Variants in TSC22D2 observed in about 807,000 individuals in gnomAD.
TSC22D2 encodes the protein TSC22 domain family member 2.
A neutral mutation model predicts 50.1 loss-of-function variants in TSC22D2; 5 were observed. The ratio of observed to expected loss-of-function variants is 0.10; its 90% CI spans 0.05 to 0.21. TSC22D2 has a LOEUF of 0.21. Among genes scored for constraint, TSC22D2 ranks in the 10% least tolerant of loss-of-function variants. TSC22D2 has a pLI of 1.00. For missense variants in TSC22D2, 1,003 were observed against 1,015.5 expected (o/e 0.99, Z 0.17); for synonymous variants, 501 against 450.1 (o/e 1.11, Z -1.43).
intron 2 of TSC22D2, 40 bp from the exon 3 acceptor site, chr3:150,458,336 C>T (rs775343273): frequency 1.5e-5 from 24 of 1,587,462 alleles, no homozygotes; most frequent in Non-Finnish European, 2.1e-5. Flanking sequence ...CCACCTTTAT[C>T]TTTTCACTCT....
rs1308456436 is a variant in TSC22D2, at chr3:150,408,419, A to G, written c.-932A>G. The G allele has an allele frequency of 6.6e-6, 1 of 152,554 alleles. No individual in the cohort carries two copies. Among genetic ancestry groups the G allele is most frequent in the East Asian group, 1.9e-4 (1 of 5,198 alleles). The allele number at this position is 152,554 out of a possible 1,614,324, so 9.5% of individuals were successfully genotyped here. A position where few individuals can be genotyped will look rare whatever the true frequency, so the allele number is the denominator to read the frequency against. ...CCGCCGCTTCAGCAGTTTGAATTTC[A>G]GTTTCTTCGGGGTTTAGGAATTGGG... On this transcript the variant is annotated 5_prime_UTR_variant, in exon 1 of 3. Coordinates refer to ENST00000688009, the MANE Select transcript of TSC22D2 (RefSeq NM_001303264.2).
intron 1 of TSC22D2, among the ~76,000 whole-genome samples, chr3:150,419,366 A>G (rs1719931319): frequency 6.6e-6 from 1 of 152,112 alleles, no homozygotes; most frequent in African/African-American, 2.4e-5. Context: ...AGGAAGAACT[A>G]CCATAGCCAC....
intron 1 of TSC22D2, 78 bp from the exon 2 acceptor site, chr3:150,456,998 A>G (rs1721210421): frequency 3.1e-6 from 4 of 1,308,746 alleles, no homozygotes; most frequent in East Asian, 4.7e-5. Context: ...GTGAAACACA[A>G]ATGTCTTTTA....
intron 1 of TSC22D2, among the ~76,000 whole-genome samples, chr3:150,412,499 C>A (rs1221640857): frequency 6.6e-6 from 1 of 152,148 alleles, no homozygotes; most frequent in Non-Finnish European, 1.5e-5. Context: ...CCTCCCATTT[C>A]TAATTAGCCT....
chr3:150,437,523 C>A (rs1449941046), intron 1 of TSC22D2, among the ~76,000 whole-genome samples: 2 of 152,026 alleles, frequency 1.3e-5, no homozygotes, highest in Non-Finnish European at 2.9e-5. Flanking sequence ...AGAAACTCAG[C>A]CAGGCATGGT....
In TSC22D2 at chr3:150,411,374, A is replaced by G. The variant is rs1457087926; in HGVS notation, c.1958+66A>G. The G allele has an allele frequency of 3.5e-6, 5 of 1,429,632 alleles. No homozygotes were observed. In the African/African-American group the frequency reaches 5.9e-5, roughly 17 times the overall value. 88.6% of individuals were successfully genotyped at this position (1,429,632 alleles called of 1,614,324 possible). Reference sequence around the variant, plus strand: ...GGCCAACATTGTAGCTTAGGATGCAACTTTGGGAGATTGTTGTCAACGGAG... The same window carrying G: ...GGCCAACATTGTAGCTTAGGATGCAGCTTTGGGAGATTGTTGTCAACGGAG... On this transcript the variant is annotated intron_variant, in intron 1 of 2. Coordinates refer to ENST00000688009, the MANE Select transcript of TSC22D2 (RefSeq NM_001303264.2).
rs1171723126 is a variant in TSC22D2 at position 150,463,189 on chromosome 3, T to C, written c.*4553T>C. The C allele has an allele frequency of 6.6e-6, 1 of 152,194 alleles. No individual in the cohort carries two copies. Among genetic ancestry groups the C allele is most frequent in the Non-Finnish European group, 1.5e-5 (1 of 68,036 alleles). The allele number at this position is 152,194 out of a possible 1,614,324, so 9.4% of individuals were successfully genotyped here. Reference sequence around the variant, plus strand: ...ATGGTGACTAGGATTAGGATGTTGATTCCAAAGCCTTTCCCTAAAATCTAT... The same window carrying C: ...ATGGTGACTAGGATTAGGATGTTGACTCCAAAGCCTTTCCCTAAAATCTAT... On this transcript the variant is annotated 3_prime_UTR_variant, in exon 3 of 3. Transcript: ENST00000688009.
chr3:150,431,481 A>G (rs1720380387), intron 1 of TSC22D2, among the ~76,000 whole-genome samples: 1 of 152,222 alleles, frequency 6.6e-6, no homozygotes, highest in Middle Eastern at 3.4e-3. Flanking sequence ...AGGTTCACCA[A>G]TTATACTTAA....
chr3:150,422,419 C>T (rs1168445143), intron 1 of TSC22D2, among the ~76,000 whole-genome samples: 1 of 152,140 alleles, frequency 6.6e-6, no homozygotes, highest in African/African-American at 2.4e-5. Flanking sequence ...GATAAATAGG[C>T]TTTTACCCCT....
At position 150,411,049 on chromosome 3, in the gene TSC22D2, A is replaced by C; in HGVS notation, c.1699A>C (p.Ser567Arg). Reference protein sequence around the residue: ...VGLPLAPGTHSAPTSLPQSDL... With the variant: ...VGLPLAPGTHRAPTSLPQSDL... ...GCTGCCCTTAGCGCCAGGCACACAC[A>C]GCGCACCAACAAGTCTACCACAGTC... is the stretch of plus-strand genomic sequence containing the variant. The change falls in exon 1 of 3, where the codon AGC becomes CGC. Residue 567 changes from serine to arginine, a missense_variant. Around this residue, in one of 6 missense-constraint regions of TSC22D2, gnomAD observed 696 missense variants for 647.8 expected, o/e 1.07. Transcript: ENST00000688009. The C allele has an allele frequency of 1.2e-6, 2 of 1,614,216 alleles. No individual in the cohort carries two copies. Among genetic ancestry groups the C allele is most frequent in the Non-Finnish European group, 1.7e-6 (2 of 1,180,042 alleles).
At chr3:150,420,436 T>A (rs932589851) in intron 1 of TSC22D2, among the ~76,000 whole-genome samples, 1 of 152,236 alleles carries the variant, frequency 6.6e-6, no homozygotes. Flanking sequence ...TGTGTAACTG[T>A]GTACTATAGA....
At chr3:150,437,413 G>T (rs1196240288) in intron 1 of TSC22D2, among the ~76,000 whole-genome samples, 1 of 152,086 alleles carries the variant, frequency 6.6e-6, no homozygotes, top group African/African-American at 2.4e-5. Context: ...GGGGGTAGTA[G>T]AGACAGATGA....
At chr3:150,418,983 C>G (rs1719916420) in intron 1 of TSC22D2, among the ~76,000 whole-genome samples, 1 of 152,004 alleles carries the variant, frequency 6.6e-6, no homozygotes, top group Non-Finnish European at 1.5e-5. Flanking sequence ...TTTAAGTATT[C>G]TGTTTCCCTC....
rs962261708 is a variant in TSC22D2, at chr3:150,408,908, GCCT to G, written c.-429_-427del. The G allele has an allele frequency of 6.2e-4, 101 of 163,974 alleles. No homozygotes were observed. The highest frequency in any genetic ancestry group is 1.2e-3 in the South Asian group (8 of 6,512). 10.2% of individuals were successfully genotyped at this position (163,974 alleles called of 1,614,324 possible). ...CACCGCCCCTCACGCCGCCGCCACC[GCCT>G]CCTCCTCCTCCTCTTCGCCCTCCCA... On this transcript the variant is annotated 5_prime_UTR_variant, in exon 1 of 3. Coordinates refer to ENST00000688009, the MANE Select transcript of TSC22D2 (RefSeq NM_001303264.2).
In TSC22D2 at chr3:150,409,065, T is replaced by G; in HGVS notation, c.-286T>G. ...CGCGCTCTCGCCGCCTCTGAGGGAA[T>G]TGAATTGAGGCGCCGCGGCTGCGAG... On this transcript the variant is annotated 5_prime_UTR_variant, in exon 1 of 3. Coordinates refer to ENST00000688009, the MANE Select transcript of TSC22D2 (RefSeq NM_001303264.2). This position sits in a 1 kb window ranked among gnomAD's most constrained non-coding sequence, Gnocchi z 7.4. 3 of 300,272 alleles carry G rather than the reference T, an allele frequency of 1.0e-5. No homozygotes were observed. Among genetic ancestry groups the G allele is most frequent in the Non-Finnish European group, 1.2e-5 (2 of 160,116 alleles). 18.6% of individuals were successfully genotyped at this position (300,272 alleles called of 1,614,324 possible).
chr3:150,448,686 C>T (rs911433215), intron 1 of TSC22D2, among the ~76,000 whole-genome samples: 2 of 151,948 alleles, frequency 1.3e-5, no homozygotes, highest in African/African-American at 4.8e-5. Flanking sequence ...TTATCTCTTC[C>T]ATTTTGAATG....
At position 150,409,275 on chromosome 3, in the gene TSC22D2, C is replaced by T; in HGVS notation, c.-76C>T. 2 of 1,482,934 alleles carry T rather than the reference C, an allele frequency of 1.3e-6. No homozygotes were observed. Among genetic ancestry groups the T allele is most frequent in the Non-Finnish European group, 9.0e-7 (1 of 1,107,232 alleles). The allele number at this position is 1,482,934 out of a possible 1,614,324, so 91.9% of individuals were successfully genotyped here. On this transcript the variant is annotated 5_prime_UTR_variant, in exon 1 of 3. Transcript: ENST00000688009. This position sits in a 1 kb window ranked among gnomAD's most constrained non-coding sequence, Gnocchi z 7.4. Reference sequence around the variant, plus strand: ...GACTCGGACTTTGTCTTTGGGGGCCCGTGCTCTGCCCTCCCCGGTTTCCGA... The same window carrying T: ...GACTCGGACTTTGTCTTTGGGGGCCTGTGCTCTGCCCTCCCCGGTTTCCGA...
chr3:150,428,293 T>G (rs1323714125), intron 1 of TSC22D2, among the ~76,000 whole-genome samples: 2 of 152,094 alleles, frequency 1.3e-5, no homozygotes, highest in Non-Finnish European at 2.9e-5. Context: ...TTTTCATCAG[T>G]AGTTTAGTTT....
chr3:150,410,178 G>C lies in TSC22D2; in HGVS notation c.828G>C (p.Pro276=). 6.2e-7 allele frequency: 1 copy of C among 1,608,300 alleles called. No homozygotes were observed. The highest frequency in any genetic ancestry group is 8.5e-7 in the Non-Finnish European group (1 of 1,178,056). Residue 276 remains proline (P), a synonymous_variant, in exon 1 of 3, where the codon CCG becomes CCC. Transcript: ENST00000688009. ...GTTTTAGCGTTGGGCAGCCACAGCC[G>C]CCGCCGCCACCCGTAGGTGGGGCTG... ...PQSFSVGQPQ[P]PPPPVGGAVA...
Sources: allele counts gnomAD v4.1 joint callset (sites outside exome capture counted in the v4.1 genomes callset), GRCh38; gene constraint gnomAD v4.1.1; regional missense constraint gnomAD v4.1.1; non-coding constraint Gnocchi (gnomAD v3.1); transcripts MANE v1.5; gene names NCBI Gene and HGNC (gene_info 2026-07-23, HGNC 2026-07-21).